Variants in ADAMTSL3 observed in about 807,000 individuals in gnomAD.
The protein encoded by ADAMTSL3 is ADAMTS like 3.
In ADAMTSL3, 128 loss-of-function variants were observed where a neutral mutation model predicts 201.7. The observed-to-expected ratio is 0.63, with a 90% CI of 0.55 to 0.73. The LOEUF (loss-of-function observed/expected upper bound fraction) is 0.73, where lower values mean the gene tolerates loss of function less well. Ranked by LOEUF, ADAMTSL3 falls within the 30% of genes least tolerant of loss-of-function variation. ADAMTSL3 has a pLI of 0.00. For synonymous variants in ADAMTSL3, 738 were observed against 748.4 expected (o/e 0.99, Z 0.23); for missense variants, 1,990 against 2,119.6 (o/e 0.94, Z 1.20).
At chr15:83,819,211 C>T (rs1309721971) in intron 5 of ADAMTSL3, among the ~76,000 whole-genome samples, 1 of 144,172 alleles carries the variant, frequency 6.9e-6, no homozygotes, top group East Asian at 2.0e-4. Flanking sequence ...GCGGAGGTTG[C>T]AGTGAGCCGA....
At chr15:83,702,633 TC>T (rs1269325566) in intron 2 of ADAMTSL3, among the ~76,000 whole-genome samples, 2 of 152,176 alleles carry the variant, frequency 1.3e-5, no homozygotes, top group African/African-American at 4.8e-5. Context: ...CTTGGCATCT[TC>T]CTTGTGATGT....
At chr15:83,826,193 G>A (rs1198236457) in intron 6 of ADAMTSL3, among the ~76,000 whole-genome samples, 1 of 152,008 alleles carries the variant, frequency 6.6e-6, no homozygotes, top group Non-Finnish European at 1.5e-5. Context: ...GTAGCCTTGG[G>A]CTCCTGGGCT....
chr15:83,923,780 C>G, intron 16 of ADAMTSL3, 124 bp from the exon 17 acceptor site: 1 of 1,158,646 alleles, frequency 8.6e-7, no homozygotes, highest in Non-Finnish European at 1.2e-6. Context: ...GAAATGCAGC[C>G]TGCAGCCCTA....
intron 15 of ADAMTSL3, among the ~76,000 whole-genome samples, chr15:83,907,016 C>T (rs1312819428): frequency 6.6e-6 from 1 of 150,568 alleles, no homozygotes; most frequent in African/African-American, 2.5e-5. Flanking sequence ...CTTGGTTGAG[C>T]CCCAGAGTTC....
rs148222081 is a variant in ADAMTSL3, at chr15:83,669,850, C to A, written c.69+14020C>A. Among the ~76,000 whole-genome samples, 15 of 152,172 alleles carry A rather than the reference C, an allele frequency of 9.9e-5. No individual in the cohort carries two copies. The East Asian group carries it at 2.9e-3, about 29-fold the overall frequency. On this transcript the variant is annotated intron_variant, in intron 2 of 29. Transcript: ENST00000286744. ...AGGCAGCCTAGTTCCAGAGAGCATG[C>A]TTTAATCACTATACTCTCACAACCC...
intron 4 of ADAMTSL3, among the ~76,000 whole-genome samples, chr15:83,788,863 G>A (rs1222326501): frequency 6.6e-6 from 1 of 152,026 alleles, no homozygotes; most frequent in Non-Finnish European, 1.5e-5. Flanking sequence ...ACGCTGGAGT[G>A]CAGTGGCTTG....
At chr15:83,776,671 T>C (rs1482170454) in intron 4 of ADAMTSL3, among the ~76,000 whole-genome samples, 1 of 151,904 alleles carries the variant, frequency 6.6e-6, no homozygotes, top group East Asian at 1.9e-4. Flanking sequence ...GAGCTGAGAT[T>C]GCGCCATTGC....
At chr15:84,000,214 C>T (rs905813299) in intron 23 of ADAMTSL3, among the ~76,000 whole-genome samples, 35 of 152,310 alleles carry the variant, frequency 2.3e-4, no homozygotes, top group African/African-American at 7.7e-4. Context: ...TTCTAAATTA[C>T]AGTGAATTTA....
chr15:83,841,686 G>A (rs1377277515), intron 7 of ADAMTSL3, among the ~76,000 whole-genome samples: 1 of 152,016 alleles, frequency 6.6e-6, no homozygotes, highest in Non-Finnish European at 1.5e-5. Context: ...GAAGGGCGGG[G>A]TTCCTGGCTA....
intron 15 of ADAMTSL3, among the ~76,000 whole-genome samples, chr15:83,903,655 C>T (rs1017641531): frequency 2.6e-5 from 4 of 151,746 alleles, no homozygotes; most frequent in Admixed American, 6.6e-5. Flanking sequence ...CAGTGGCTCA[C>T]GCCTATAATC....
intron 17 of ADAMTSL3, among the ~76,000 whole-genome samples, chr15:83,928,170 GAT>G (rs1234865510): frequency 1.3e-5 from 2 of 151,950 alleles, no homozygotes; most frequent in Non-Finnish European, 2.9e-5. Flanking sequence ...TGTTTTTAGA[GAT>G]TAGGTTTTTC....
chr15:83,977,798 A>T lies in ADAMTSL3; in HGVS notation c.2645-4475A>T, dbSNP rs2067312577. 3.3e-5 allele frequency among the ~76,000 whole-genome samples: 5 copies of T among 152,170 alleles called. No homozygotes were observed. In the South Asian group the frequency reaches 1.0e-3, roughly 32 times the overall value. ...CCAGACTGAAATTGGTGGAAGAGTA[A>T]CACAGAAGCAACCTGAATTTACTGT... On this transcript the variant is annotated intron_variant, in intron 20 of 29. Coordinates refer to ENST00000286744, the MANE Select transcript of ADAMTSL3 (RefSeq NM_207517.3).
intron 3 of ADAMTSL3, among the ~76,000 whole-genome samples, chr15:83,722,250 C>T (rs1008832005): frequency 7.9e-5 from 12 of 152,234 alleles, no homozygotes; most frequent in East Asian, 3.9e-4. Flanking sequence ...ATAAAATCAA[C>T]GAGGAGACTG....
intron 19 of ADAMTSL3, among the ~76,000 whole-genome samples, chr15:83,944,176 A>C (rs1444314508): frequency 6.6e-6 from 1 of 152,196 alleles, no homozygotes; most frequent in East Asian, 1.9e-4. Context: ...GTGGAAAGCG[A>C]AACCGTGGAT....
intron 19 of ADAMTSL3, among the ~76,000 whole-genome samples, chr15:83,967,899 C>T (rs1039716207): frequency 4.6e-5 from 7 of 152,196 alleles, no homozygotes; most frequent in African/African-American, 1.2e-4. Context: ...ACCATCTGAT[C>T]TTTGACAAAC....
At chr15:83,856,351 T>C (rs1486229199) in intron 7 of ADAMTSL3, among the ~76,000 whole-genome samples, 1 of 151,598 alleles carries the variant, frequency 6.6e-6, no homozygotes, top group African/African-American at 2.4e-5. Flanking sequence ...AATTATAAAA[T>C]TTTTTGGTAG....
At chr15:83,948,875 T>C (rs561079277) in intron 19 of ADAMTSL3, among the ~76,000 whole-genome samples, 9 of 152,214 alleles carry the variant, frequency 5.9e-5, no homozygotes, top group Admixed American at 5.2e-4. Flanking sequence ...TTATTTTTAA[T>C]TTTTGTGGGT....
intron 19 of ADAMTSL3, among the ~76,000 whole-genome samples, chr15:83,946,517 T>C (rs1288098576): frequency 6.6e-6 from 1 of 152,224 alleles, no homozygotes; most frequent in Non-Finnish European, 1.5e-5. Context: ...GGTCTTCCCA[T>C]CTGGTTTATA....
intron 7 of ADAMTSL3, among the ~76,000 whole-genome samples, chr15:83,842,060 T>C (rs973634262): frequency 1.3e-5 from 2 of 151,210 alleles, no homozygotes; most frequent in Non-Finnish European, 3.0e-5. Context: ...CCATCCCCCT[T>C]CTGCCTTCCC....
Sources: allele counts gnomAD v4.1 joint callset (sites outside exome capture counted in the v4.1 genomes callset), GRCh38; gene constraint gnomAD v4.1.1; transcripts MANE v1.5; gene names NCBI Gene and HGNC (gene_info 2026-07-23, HGNC 2026-07-21).